The following BRWD1 variants were observed in gnomAD, a reference collection of about 807,000 sequenced individuals.
BRWD1 encodes bromodomain and WD repeat-containing protein 1.
A neutral mutation model predicts 251.2 loss-of-function variants in BRWD1; 82 were observed. That is an observed-to-expected ratio of 0.33 (90% confidence interval 0.27 to 0.39). The LOEUF (loss-of-function observed/expected upper bound fraction) is 0.39. Among genes scored for constraint, BRWD1 ranks in the 10% least tolerant of loss-of-function variants. BRWD1 has a pLI of 1.00. For missense variants in BRWD1, 2,233 were observed against 2,711.6 expected (o/e 0.82, Z 3.92); for synonymous variants, 918 against 902.8 (o/e 1.02, Z -0.30).
Position 39,244,921 on chromosome 21 carries a change from AAT to A in BRWD1, c.2481+2778_2481+2779del, listed in dbSNP as rs56801824. Among the ~76,000 whole-genome samples, 172 of 112,534 alleles carry A rather than the reference AAT, an allele frequency of 1.5e-3. 10 individuals carry two copies. The highest frequency in any genetic ancestry group is 3.7e-3 in the South Asian group (12 of 3,246). 73.8% of individuals were successfully genotyped at this position (112,534 alleles called of 152,430 possible). On this transcript the variant is annotated intron_variant, in intron 21 of 40. Coordinates refer to ENST00000342449, the MANE Select transcript of BRWD1 (RefSeq NM_033656.4). ...AGTTACATATAGAAACTTTGGAAGAAATATATATATATATATATATATATGCA... is the reference window on the plus strand; with the variant it reads ...AGTTACATATAGAAACTTTGGAAGAAATATATATATATATATATATATGCA...
chr21:39,279,638 C>CAAAAAAA (rs77282416), intron 9 of BRWD1, among the ~76,000 whole-genome samples: 2 of 66,850 alleles, frequency 3.0e-5, no homozygotes, highest in African/African-American at 8.5e-5. Context: ...GACTCCATCT[C>CAAAAAAA]AAAAAAAAAA....
At chr21:39,210,472 G>A (rs571255845) in intron 35 of BRWD1, among the ~76,000 whole-genome samples, 3 of 152,156 alleles carry the variant, frequency 2.0e-5, no homozygotes, top group Non-Finnish European at 2.9e-5. Context: ...TTTTTAAAGA[G>A]TGCAAACAGA....
rs192584384 is a variant in BRWD1, at chr21:39,197,229, T to C, written c.5840A>G (p.Asp1947Gly). Reference sequence around the variant, plus strand: ...AGTGTGCACATTTTCTAAACTGACATCTTCTACATCACTCATGAGCTTGAT... The same window carrying C: ...AGTGTGCACATTTTCTAAACTGACACCTTCTACATCACTCATGAGCTTGAT... The part of the protein sequence containing the change: ...NKIKLMSDVE[D>G]VSLENVHTRS... The change falls in exon 41 of 41, where the codon GAT (aspartate) becomes GGT (glycine). Residue 1947 changes from aspartate to glycine, a missense_variant. By Grantham distance (94) the Asp-to-Gly change is moderately conservative. This residue lies in a region of BRWD1 where 928 missense variants were observed against 970.0 expected (regional missense o/e 0.96). Coordinates refer to ENST00000342449, the MANE Select transcript of BRWD1 (RefSeq NM_033656.4). 2.4e-5 allele frequency: 39 copies of C among 1,613,988 alleles called. No homozygotes were observed. In the East Asian group the frequency reaches 4.0e-4, roughly 17 times the overall value.
intron 17 of BRWD1, among the ~76,000 whole-genome samples, chr21:39,259,437 C>T (rs1601404671): frequency 6.6e-6 from 1 of 151,730 alleles, no homozygotes; most frequent in East Asian, 1.9e-4. Context: ...ACTACAGGTG[C>T]CCACCACCAT....
intron 2 of BRWD1, 53 bp downstream of exon 2, chr21:39,313,188 G>T (rs750371883): frequency 1.4e-5 from 21 of 1,509,420 alleles, no homozygotes; most frequent in Non-Finnish European, 1.9e-5. Flanking sequence ...GACCCCCGGC[G>T]GCGGGGACAC....
At chr21:39,313,342 G>A (rs1342794899) in intron 1 of BRWD1, 43 bp from the exon 2 acceptor site, 10 of 1,505,142 alleles carry the variant, frequency 6.6e-6, no homozygotes, top group Admixed American at 2.0e-5. Flanking sequence ...GGCGGGGAGG[G>A]GAGGGGGACG....
At chr21:39,313,203 G>A (rs749261680) in intron 2 of BRWD1, 38 bp downstream of exon 2, 1 of 1,522,786 alleles carries the variant, frequency 6.6e-7, no homozygotes, top group Admixed American at 2.0e-5. Context: ...GGACACTGGG[G>A]ACGCCAAGTC....
intron 19 of BRWD1, among the ~76,000 whole-genome samples, chr21:39,255,031 C>T (rs1190354078): frequency 2.0e-5 from 3 of 152,124 alleles, no homozygotes; most frequent in Non-Finnish European, 2.9e-5. Flanking sequence ...CACACTTATA[C>T]GCTTATGGAC....
chr21:39,259,499 C>T (rs1415315323), intron 17 of BRWD1, among the ~76,000 whole-genome samples: 5 of 152,080 alleles, frequency 3.3e-5, no homozygotes, highest in African/African-American at 4.8e-5. Flanking sequence ...AGGGTTTCAC[C>T]GTGTTAGCCA....
intron 27 of BRWD1, among the ~76,000 whole-genome samples, chr21:39,226,021 C>A (rs2033368870): frequency 6.6e-6 from 1 of 151,794 alleles, no homozygotes. Flanking sequence ...TTTGAGAGGC[C>A]AAACATAAAA....
Position 39,202,334 on chromosome 21 carries a change from T to A in BRWD1, c.4576A>T (p.Thr1526Ser). The A allele has an allele frequency of 6.2e-7, 1 of 1,610,900 alleles. No individual in the cohort carries two copies. Among genetic ancestry groups the A allele is most frequent in the Non-Finnish European group, 8.5e-7 (1 of 1,177,784 alleles). The change falls in exon 38 of 41, where the codon ACA (threonine) becomes TCA (serine). Residue 1526 changes from threonine to serine, a missense_variant. Around this residue, in one of 12 missense-constraint regions of BRWD1, gnomAD observed 928 missense variants for 970.0 expected, o/e 0.96. Transcript: ENST00000342449. ...GTATTTCACTTCTCACCAGATAATG[T>A]AGAACCATTTGTTATAGGTCTATTT... The part of the protein sequence containing the change: ...KRNRPITNGS[T>S]LSESEVEDSL...
chr21:39,297,411 C>CAGAA (rs1338947929), intron 5 of BRWD1: 1 of 985,182 alleles, frequency 1.0e-6, no homozygotes, highest in East Asian at 1.1e-4. Flanking sequence ...GCTGAAGACT[C>CAGAA]TTCTAAGGTC....
intron 4 of BRWD1, among the ~76,000 whole-genome samples, chr21:39,309,864 G>A (rs1339177197): frequency 6.8e-6 from 1 of 146,294 alleles, no homozygotes; most frequent in Non-Finnish European, 1.5e-5. Flanking sequence ...GGAACAAAAA[G>A]AAAATCTGGA....
In BRWD1 at chr21:39,255,670, G is replaced by C; in HGVS notation, c.2230C>G (p.Pro744Ala). The change falls in exon 19 of 41, where the codon CCA becomes GCA. Residue 744 changes from proline (P) to alanine (A), a missense_variant. Pro to Ala is a conservative substitution (Grantham distance 27). Around this residue, in one of 12 missense-constraint regions of BRWD1, gnomAD observed 35 missense variants for 76.3 expected, o/e 0.46. Transcript: ENST00000342449. Reference protein sequence around the residue: ...LQAWKRRVVVPEVPLGIFRKL... With the variant: ...LQAWKRRVVVAEVPLGIFRKL... ...CTAAATATGCCTAGTGGTACCTCTG[G>C]TACAACCACTCTTCGTTTCCAAGCC... 6.2e-7 allele frequency: 1 copy of C among 1,614,052 alleles called. No individual in the cohort carries two copies. The highest frequency in any genetic ancestry group is 8.5e-7 in the Non-Finnish European group (1 of 1,179,994).
intron 22 of BRWD1, 58 bp from the exon 23 acceptor site, chr21:39,236,842 G>C (rs551798963): frequency 1.4e-6 from 2 of 1,431,674 alleles, no homozygotes; most frequent in South Asian, 2.5e-5. Context: ...CTGATAGCAA[G>C]TCAATCATAT....
intron 17 of BRWD1, among the ~76,000 whole-genome samples, chr21:39,263,157 G>C (rs2034810655): frequency 6.6e-6 from 1 of 152,086 alleles, no homozygotes; most frequent in South Asian, 2.1e-4. Context: ...GGTGAATTTT[G>C]TATATAAAGT....
In BRWD1 at chr21:39,258,571, G is replaced by A; in HGVS notation, c.1987C>T (p.Gln663Ter). 1 of 1,613,392 alleles carries A rather than the reference G, an allele frequency of 6.2e-7. No homozygotes were observed. The highest frequency in any genetic ancestry group is 8.5e-7 in the Non-Finnish European group (1 of 1,179,666). The change falls in exon 18 of 41, where the codon CAG becomes TAG. Residue 663 changes from glutamine to a stop codon, truncating the protein, a stop_gained. Transcript: ENST00000342449. LOFTEE classifies it high-confidence loss of function. ...CCCATTCTCTGATCTTGCTGCTGCT[G>A]CAACTGTCTTATCATTCCATCAAGA... ...SILDGMIRQLQQQQDQRMGAD... is the reference protein window; with the variant it reads ...SILDGMIRQL
intron 36 of BRWD1, chr21:39,209,782 G>T (rs2032576481): frequency 2.4e-6 from 1 of 409,634 alleles, no homozygotes; most frequent in Non-Finnish European, 4.3e-6. Context: ...AGGAGATTAT[G>T]ATAAACATCA....
At chr21:39,309,436 T>C (rs2036395192) in intron 4 of BRWD1, among the ~76,000 whole-genome samples, 1 of 151,228 alleles carries the variant, frequency 6.6e-6, no homozygotes, top group Non-Finnish European at 1.5e-5. Flanking sequence ...CCAGCCTGGG[T>C]AATAGAGTGA....
Sources: gnomAD v4.1 joint callset for allele counts (sites outside exome capture counted in the v4.1 genomes callset) on GRCh38, gnomAD v4.1.1 for gene constraint, gnomAD v4.1.1 regional missense constraint, MANE v1.5 for transcripts, NCBI Gene and HGNC (gene_info 2026-07-23, HGNC 2026-07-21) for gene names.